Variants in ZFAT observed in about 807,000 individuals in gnomAD.
The protein encoded by ZFAT is zinc finger and AT-hook domain containing.
A neutral mutation model predicts 117.7 loss-of-function variants in ZFAT; 64 were observed. The ratio of observed to expected loss-of-function variants is 0.54; its 90% confidence interval spans 0.44 to 0.67. The LOEUF (loss-of-function observed/expected upper bound fraction) is 0.67, where lower values mean the gene tolerates loss of function less well. Ranked by LOEUF, ZFAT falls within the 30% of genes least tolerant of loss-of-function variation. ZFAT has a pLI of 0.00. For synonymous variants in ZFAT, 679 were observed against 615.0 expected, an observed-to-expected ratio of 1.10 and a Z score of -1.54; for missense variants, 1,433 against 1,584.5, an observed-to-expected ratio of 0.90 and a Z score of 1.62.
At chr8:134,582,985 C>G (rs1324584833) in intron 10 of ZFAT, among the ~76,000 whole-genome samples, 2 of 151,970 alleles carry the variant, frequency 1.3e-5, no homozygotes, top group African/African-American at 2.4e-5. Flanking sequence ...CTCACACAAC[C>G]TGTCTAAGTA....
the ZFAT span, among the ~76,000 whole-genome samples, chr8:134,831,428 C>T: frequency 6.6e-6 from 1 of 152,230 alleles, no homozygotes; most frequent in Non-Finnish European, 1.5e-5. Context: ...GCAACGTGCA[C>T]ACATCATGCC....
intron 2 of ZFAT, among the ~76,000 whole-genome samples, chr8:134,649,202 C>CACACACACA (rs71298211): frequency 2.1e-5 from 3 of 146,304 alleles, no homozygotes; most frequent in Admixed American, 1.3e-4. Flanking sequence ...CACACACACA[C>CACACACACA]CCCATCATAC....
chr8:134,613,685 A>G (rs1209732702), intron 3 of ZFAT, among the ~76,000 whole-genome samples: 1 of 152,204 alleles, frequency 6.6e-6, no homozygotes, highest in African/African-American at 2.4e-5. Flanking sequence ...CTGAACAGCT[A>G]GGGCTACAGG....
intron 8 of ZFAT, among the ~76,000 whole-genome samples, chr8:134,589,082 C>G (rs1489284493): frequency 6.6e-6 from 1 of 152,206 alleles, no homozygotes; most frequent in Non-Finnish European, 1.5e-5. Flanking sequence ...GTGACAGATA[C>G]AGGAGGTTCC....
chr8:134,724,652 C>T, the ZFAT span, among the ~76,000 whole-genome samples: 4 of 152,154 alleles, frequency 2.6e-5, no homozygotes, highest in South Asian at 6.2e-4. Context: ...TTCCTGGTTT[C>T]GTCACTTAAA....
At chr8:134,633,787 A>G (rs1264905486) in intron 3 of ZFAT, among the ~76,000 whole-genome samples, 1 of 152,224 alleles carries the variant, frequency 6.6e-6, no homozygotes, top group African/African-American at 2.4e-5. Context: ...GCTCATACCT[A>G]TAATCCCAAC....
chr8:134,625,455 C>T (rs750074877), intron 3 of ZFAT, among the ~76,000 whole-genome samples: 4 of 152,238 alleles, frequency 2.6e-5, no homozygotes, highest in Admixed American at 6.5e-5. Context: ...TTCAGGGCTA[C>T]CTCCTCCTTC....
the ZFAT span, among the ~76,000 whole-genome samples, chr8:134,787,734 T>G: frequency 6.6e-6 from 1 of 152,164 alleles, no homozygotes; most frequent in East Asian, 1.9e-4. Flanking sequence ...TATCATATAT[T>G]GAAGTTACAG....
chr8:134,532,976 C>CG lies in ZFAT; in HGVS notation c.2977-5dup. 1 of 1,597,870 alleles carries CG rather than the reference C, an allele frequency of 6.3e-7. No individual in the cohort carries two copies. The highest frequency in any genetic ancestry group is 8.5e-7 in the Non-Finnish European group (1 of 1,172,362). ...GGCAATGGGCACAGCGGAAAGGCTG[C>CG]GGGGACAATGAGGAGGGGTTAGGAA... On this transcript the variant is annotated splice_polypyrimidine_tract_variant and splice_region_variant and intron_variant, in intron 11 of 15. Transcript: ENST00000377838.
chr8:134,501,064 T>C (rs1818937618), intron 15 of ZFAT, among the ~76,000 whole-genome samples: 1 of 152,120 alleles, frequency 6.6e-6, no homozygotes, highest in Non-Finnish European at 1.5e-5. Context: ...GGCTAGGATA[T>C]AGGGAAAAAA....
chr8:134,584,285 T>C (rs1788219307), intron 9 of ZFAT, among the ~76,000 whole-genome samples: 1 of 152,126 alleles, frequency 6.6e-6, no homozygotes, highest in Non-Finnish European at 1.5e-5. Flanking sequence ...CCCTGGTAGA[T>C]TTCCCTGCCT....
rs547995476 is a variant in ZFAT, at chr8:134,637,910, T to C, written c.197-198A>G. Among the ~76,000 whole-genome samples the C allele has an allele frequency of 7.9e-4, 121 of 152,344 alleles. No individual in the cohort carries two copies. The South Asian group carries it at 8.9e-3, about 11-fold the overall frequency. ...ATTGCATCTGTGTACTAATGGGTAATCAATTTTCTAATGTTCTGATTCAAG... is the reference window on the plus strand; with the variant it reads ...ATTGCATCTGTGTACTAATGGGTAACCAATTTTCTAATGTTCTGATTCAAG... On this transcript the variant is annotated intron_variant, in intron 2 of 15. Transcript: ENST00000377838.
chr8:134,797,813 TGAG>T, the ZFAT span: 1 of 152,008 alleles, frequency 6.6e-6, no homozygotes, highest in Admixed American at 6.5e-5. Context: ...CTAGTAGCTT[TGAG>T]AAGAATTAAA....
chr8:134,659,215 C>A (rs1334025897), intron 1 of ZFAT, among the ~76,000 whole-genome samples: 1 of 152,196 alleles, frequency 6.6e-6, no homozygotes, highest in Non-Finnish European at 1.5e-5. Context: ...CAACAGCTGA[C>A]CTTGCTTCAT....
upstream of ZFAT, among the ~76,000 whole-genome samples, chr8:134,717,964 G>A (rs956303433): frequency 2.6e-5 from 4 of 152,096 alleles, no homozygotes; most frequent in African/African-American, 9.7e-5. Context: ...CAAAGTGTTG[G>A]GATTACAGGC....
At chr8:134,517,539 C>T (rs1185749050) in intron 13 of ZFAT, among the ~76,000 whole-genome samples, 3 of 152,174 alleles carry the variant, frequency 2.0e-5, no homozygotes, top group African/African-American at 7.2e-5. Context: ...TAACATCTTT[C>T]GTAATCATGG....
intron 12 of ZFAT, among the ~76,000 whole-genome samples, chr8:134,526,446 A>C (rs1821030719): frequency 6.6e-6 from 1 of 152,218 alleles, no homozygotes; most frequent in Non-Finnish European, 1.5e-5. Flanking sequence ...TGGTGAATTT[A>C]CTCATGGCAC....
At chr8:134,562,524 T>C (rs1030249894) in intron 11 of ZFAT, among the ~76,000 whole-genome samples, 6 of 152,190 alleles carry the variant, frequency 3.9e-5, no homozygotes, top group Non-Finnish European at 8.8e-5. Flanking sequence ...CCTAAATTGA[T>C]ATGCATTTGA....
chr8:134,786,307 C>A, the ZFAT span, among the ~76,000 whole-genome samples: 1 of 152,144 alleles, frequency 6.6e-6, no homozygotes, highest in Admixed American at 6.5e-5. Context: ...AATACAATAT[C>A]CCATTCCTGT....
Sources: allele counts gnomAD v4.1 joint callset (sites outside exome capture counted in the v4.1 genomes callset), GRCh38; gene constraint gnomAD v4.1.1; transcripts MANE v1.5; gene names NCBI Gene and HGNC (gene_info 2026-07-23, HGNC 2026-07-21).